ARHGEF28: variants seen among roughly 807,000 people sequenced by gnomAD.
The protein encoded by ARHGEF28 is Rho guanine nucleotide exchange factor 28.
ARHGEF28 carries 152 observed loss-of-function variants against 206.6 expected under a neutral mutation model. That is an observed-to-expected ratio of 0.74 (90% CI 0.64 to 0.84). The LOEUF (loss-of-function observed/expected upper bound fraction) is 0.84. Among genes scored for constraint, ARHGEF28 ranks in the 40% least tolerant of loss-of-function variants. The pLI is 0.00. For missense variants in ARHGEF28, 2,028 were observed against 2,073.2 expected (o/e 0.98, Z 0.42); for synonymous variants, 763 against 776.4 (o/e 0.98, Z 0.29).
At chr5:73,820,001 C>A (rs958807231) in intron 9 of ARHGEF28, among the ~76,000 whole-genome samples, 1 of 152,154 alleles carries the variant, frequency 6.6e-6, no homozygotes, top group Non-Finnish European at 1.5e-5. Flanking sequence ...TATTAAACCT[C>A]TATACCCTAA....
At chr5:73,629,078 C>A (rs920669292) in intron 1 of ARHGEF28, among the ~76,000 whole-genome samples, 5 of 152,176 alleles carry the variant, frequency 3.3e-5, no homozygotes, top group African/African-American at 1.2e-4. Flanking sequence ...ATGTGCCCAG[C>A]ACTGCTCTTT....
At chr5:73,939,754 G>A (rs1233756223) in intron 35 of ARHGEF28, among the ~76,000 whole-genome samples, 2 of 152,210 alleles carry the variant, frequency 1.3e-5, no homozygotes, top group Non-Finnish European at 2.9e-5. Context: ...AAAGATCCTT[G>A]TCAGGAGGGC....
At position 73,776,705 on chromosome 5, in the gene ARHGEF28, A is replaced by G. The variant is rs143387976; in HGVS notation, c.840+9A>G. The G allele has an allele frequency of 0.014, 22,037 of 1,598,342 alleles. 209 individuals are homozygous for G. Among genetic ancestry groups the G allele is most frequent in the Non-Finnish European group, 0.016 (19,102 of 1,169,912 alleles). On this transcript the variant is annotated intron_variant, in intron 6 of 35. Transcript: ENST00000513042. Reference sequence around the variant, plus strand: ...GAGCCTTTCTTGTCAAGGTTTGTACATAGTGATTCTAGCATGTGATAATGC... The same window carrying G: ...GAGCCTTTCTTGTCAAGGTTTGTACGTAGTGATTCTAGCATGTGATAATGC...
At chr5:73,899,243 T>C (rs1253685493) in intron 30 of ARHGEF28, 1 of 152,168 alleles carries the variant, frequency 6.6e-6, no homozygotes, top group African/African-American at 2.4e-5. Context: ...CATTATGCCA[T>C]TGAGGAGTCT....
rs552521615 is a variant in ARHGEF28 at position 73,916,711 on chromosome 5, G to C, written c.4948+5136G>C. On this transcript the variant is annotated intron_variant, in intron 35 of 35. Transcript: ENST00000513042. ...TTAGGACCTTAACATGTGAATTTTG[G>C]GGGGACACAGTTCAGCTCTTAACAG... Among the ~76,000 whole-genome samples, 8 of 152,094 alleles carry C rather than the reference G, an allele frequency of 5.3e-5. No homozygotes were observed. The East Asian group carries it at 1.4e-3, about 26-fold the overall frequency.
rs1432180252 is a variant in ARHGEF28, at chr5:73,860,894, G to GT, written c.2047+2677dup. Among the ~76,000 whole-genome samples, 3 of 152,042 alleles carry GT rather than the reference G, an allele frequency of 2.0e-5. No homozygotes were observed. In the East Asian group the frequency reaches 5.8e-4, roughly 29 times the overall value. On this transcript the variant is annotated intron_variant, in intron 16 of 35. Transcript: ENST00000513042. ...TACAGTCTGAGGCCCCACCAGTTCC[G>GT]TTGCCCTTTCCTCCCACTGCGTGTG...
rs191903100 is a variant in ARHGEF28 at position 73,775,709 on chromosome 5, T to C, written c.660-807T>C. Among the ~76,000 whole-genome samples the C allele has an allele frequency of 9.8e-5, 15 of 152,332 alleles. No individual in the cohort carries two copies. In the East Asian group the frequency reaches 2.7e-3, roughly 27 times the overall value. ...TGGTGGGATGTGACATGCTGAGGTA[T>C]GCTGTAACCCAAGAACATTAATATT... On this transcript the variant is annotated intron_variant, in intron 5 of 35. Coordinates refer to ENST00000513042, the MANE Select transcript of ARHGEF28 (RefSeq NM_001177693.2).
chr5:73,861,789 A>G (rs1759418138), intron 16 of ARHGEF28, among the ~76,000 whole-genome samples: 1 of 152,224 alleles, frequency 6.6e-6, no homozygotes, highest in Non-Finnish European at 1.5e-5. Context: ...TGAGTAGGTC[A>G]AAGTGTGTAT....
intron 2 of ARHGEF28, among the ~76,000 whole-genome samples, chr5:73,746,823 T>C (rs1751745740): frequency 1.3e-5 from 2 of 152,168 alleles, no homozygotes; most frequent in Admixed American, 6.5e-5. Context: ...TATGCTACCA[T>C]TACTCTGTTT....
At chr5:73,815,221 C>T (rs1447432806) in intron 9 of ARHGEF28, among the ~76,000 whole-genome samples, 2 of 151,002 alleles carry the variant, frequency 1.3e-5, no homozygotes, top group Non-Finnish European at 1.5e-5. Flanking sequence ...TGAGCACAAG[C>T]ATGCGCTTAT....
At chr5:73,937,374 G>C (rs575825206) in intron 35 of ARHGEF28, among the ~76,000 whole-genome samples, 23 of 152,176 alleles carry the variant, frequency 1.5e-4, no homozygotes, top group Non-Finnish European at 2.9e-4. Context: ...TCTCAATCAA[G>C]ATCCCACTTT....
At chr5:73,801,709 G>T (rs1311719188) in intron 9 of ARHGEF28, among the ~76,000 whole-genome samples, 1 of 152,056 alleles carries the variant, frequency 6.6e-6, no homozygotes, top group African/African-American at 2.4e-5. Flanking sequence ...CTTCTGTGTA[G>T]TCCTTTCTTT....
intron 7 of ARHGEF28, 26 bp from the exon 8 acceptor site, chr5:73,794,376 G>C (rs1188907910): frequency 6.4e-7 from 1 of 1,569,110 alleles, no homozygotes; most frequent in Admixed American, 1.8e-5. Context: ...CCCATCAGCA[G>C]ATCCTGATAA....
chr5:73,660,249 T>C (rs1301666026), intron 1 of ARHGEF28, among the ~76,000 whole-genome samples: 1 of 152,212 alleles, frequency 6.6e-6, no homozygotes, highest in Non-Finnish European at 1.5e-5. Context: ...CTTTCTTTGC[T>C]CATCCATAAT....
At chr5:73,817,853 AG>A (rs548738854) in intron 9 of ARHGEF28, among the ~76,000 whole-genome samples, 270 of 152,214 alleles carry the variant, frequency 1.8e-3, no homozygotes, top group South Asian at 0.013. Context: ...TGGGTTCAAA[AG>A]GTGCCATTGT....
intron 2 of ARHGEF28, among the ~76,000 whole-genome samples, chr5:73,741,295 T>C (rs938100827): frequency 8.0e-5 from 12 of 150,338 alleles, no homozygotes; most frequent in African/African-American, 2.9e-4. Context: ...TTGATACTGG[T>C]GAATCATTCC....
At chr5:73,737,026 G>A (rs1209660922) in intron 2 of ARHGEF28, among the ~76,000 whole-genome samples, 1 of 152,106 alleles carries the variant, frequency 6.6e-6, no homozygotes, top group Non-Finnish European at 1.5e-5. Context: ...ATGGAAGGAT[G>A]GGCTCCCCAG....
Position 73,940,928 on chromosome 5 carries a change from C to A in ARHGEF28, c.5033C>A (p.Ala1678Glu). ...CAACTGCAGGCGTTTATAACAGAAG[C>A]AAAGCTAAATCTACCGACAAGGACA... ...RPQLQAFITEAKLNLPTRTMT... is the reference protein window; with the variant it reads ...RPQLQAFITEEKLNLPTRTMT... Residue 1678 changes from alanine (A) to glutamate (E), a missense_variant, in exon 36 of 36, where the codon GCA becomes GAA. Around this residue, in one of 3 missense-constraint regions of ARHGEF28, gnomAD observed 803 missense variants for 768.0 expected, o/e 1.05. Coordinates refer to ENST00000513042, the MANE Select transcript of ARHGEF28 (RefSeq NM_001177693.2). 6.5e-7 allele frequency: 1 copy of A among 1,534,518 alleles called. No homozygotes were observed. Among genetic ancestry groups the A allele is most frequent in the Non-Finnish European group, 8.7e-7 (1 of 1,146,570 alleles).
intron 6 of ARHGEF28, among the ~76,000 whole-genome samples, chr5:73,779,749 A>T (rs914959567): frequency 1.3e-5 from 2 of 152,150 alleles, no homozygotes; most frequent in African/African-American, 2.4e-5. Context: ...AAGAGAACAC[A>T]GTGTCCTGGA....
Sources: allele counts gnomAD v4.1 joint callset (sites outside exome capture counted in the v4.1 genomes callset), GRCh38; gene constraint gnomAD v4.1.1; regional missense constraint gnomAD v4.1.1; transcripts MANE v1.5; gene names NCBI Gene and HGNC (gene_info 2026-07-23, HGNC 2026-07-21).